Variants in KIAA0825 observed in about 807,000 individuals in gnomAD.
KIAA0825 encodes uncharacterized protein KIAA0825.
Under a neutral mutation model 147.6 loss-of-function variants are expected in KIAA0825, and 119 were observed. That is an observed-to-expected ratio of 0.81 (90% CI 0.69 to 0.94). KIAA0825 has a LOEUF of 0.94. Among genes scored for constraint, KIAA0825 ranks in the 40% least tolerant of loss-of-function variants. The probability of loss-of-function intolerance (pLI) is 0.00; values close to 1 mark genes in which losing one functional copy is unlikely to be tolerated. For synonymous variants in KIAA0825, 470 were observed against 518.1 expected, an observed-to-expected ratio of 0.91 and a Z score of 1.26; for missense variants, 1,381 against 1,472.7, an observed-to-expected ratio of 0.94 and a Z score of 1.02.
chr5:94,573,737 T>TATTC (rs1436017773), intron 2 of KIAA0825, among the ~76,000 whole-genome samples: 2 of 152,250 alleles, frequency 1.3e-5, no homozygotes, highest in Non-Finnish European at 2.9e-5. Context: ...CAGATGCAGA[T>TATTC]ATTCCCCCAC....
rs572234796 is a variant in KIAA0825 at position 94,608,249 on chromosome 5, TTTTA to T, written c.-153+10247_-153+10250del. 4.4e-3 allele frequency among the ~76,000 whole-genome samples: 627 copies of T among 143,404 alleles called. 1 individual carries two copies. The highest frequency in any genetic ancestry group is 6.1e-3 in the African/African-American group (235 of 38,720). The allele number at this position is 143,404 out of a possible 152,430, so 94.1% of individuals were successfully genotyped here. A position where few individuals can be genotyped will look rare whatever the true frequency, so the allele number is the denominator to read the frequency against. ...GATAGGAAGTAAAAATTACTTTTAT[TTTTA>T]TTTATTTATTTGTTTATTTATTTAT... On this transcript the variant is annotated intron_variant, in intron 1 of 20. Coordinates refer to ENST00000682413, the MANE Select transcript of KIAA0825 (RefSeq NM_001145678.3).
Position 94,150,873 on chromosome 5 carries a change from AATTT to A in KIAA0825, c.*3130_*3133del, listed in dbSNP as rs1439719321. Among the ~76,000 whole-genome samples, 1 of 152,160 alleles carries A rather than the reference AATTT, an allele frequency of 6.6e-6. No individual in the cohort carries two copies. The highest frequency in any genetic ancestry group is 1.5e-5 in the Non-Finnish European group (1 of 68,018). On this transcript the variant is annotated 3_prime_UTR_variant, in exon 21 of 21. Transcript: ENST00000682413. Reference sequence around the variant, plus strand: ...ATCTGAAATAGACAATATTCTTTATAATTTATTTAAAAATTATTTCATACTGTTT... The same window carrying A: ...ATCTGAAATAGACAATATTCTTTATAATTTAAAAATTATTTCATACTGTTT...
At chr5:94,438,803 AT>A (rs1756699136) in intron 14 of KIAA0825, among the ~76,000 whole-genome samples, 1 of 152,194 alleles carries the variant, frequency 6.6e-6, no homozygotes, top group Non-Finnish European at 1.5e-5. Flanking sequence ...TATGAACCTC[AT>A]TTGTATACTA....
At chr5:94,227,967 T>TA (rs149638031) in intron 20 of KIAA0825, among the ~76,000 whole-genome samples, 15 of 151,178 alleles carry the variant, frequency 9.9e-5, no homozygotes, top group African/African-American at 2.9e-4. Flanking sequence ...TGTATAATAA[T>TA]AAAAAAAAAT....
At chr5:94,426,604 A>T (rs1053796764) in intron 14 of KIAA0825, among the ~76,000 whole-genome samples, 1 of 152,238 alleles carries the variant, frequency 6.6e-6, no homozygotes, top group Non-Finnish European at 1.5e-5. Flanking sequence ...GGCTACAAAC[A>T]TACAGTTAGA....
chr5:94,383,045 A>G (rs1037604141), intron 20 of KIAA0825, among the ~76,000 whole-genome samples: 1 of 152,224 alleles, frequency 6.6e-6, no homozygotes, highest in Admixed American at 6.5e-5. Flanking sequence ...TAGATTCAAT[A>G]GAGGCCCTGG....
chr5:94,466,736 CAAAAAAAAAA>C (rs56785201), intron 10 of KIAA0825, among the ~76,000 whole-genome samples: 3 of 61,372 alleles, frequency 4.9e-5, no homozygotes, highest in Admixed American at 1.8e-4. Flanking sequence ...GACTGTGTCT[CAAAAAAAAAA>C]AAAAAAAAAA....
intron 20 of KIAA0825, among the ~76,000 whole-genome samples, chr5:94,379,841 A>ATT (rs1748124434): frequency 1.2e-4 from 6 of 50,890 alleles, no homozygotes; most frequent in African/African-American, 5.3e-4. Flanking sequence ...TAGGTATTTT[A>ATT]TTCTTTTTTT....
chr5:94,573,159 T>G (rs964408733), intron 2 of KIAA0825, among the ~76,000 whole-genome samples: 5 of 152,118 alleles, frequency 3.3e-5, no homozygotes. Flanking sequence ...TAGGTAAATT[T>G]ACACATTTTC....
intron 20 of KIAA0825, among the ~76,000 whole-genome samples, chr5:94,381,854 G>A (rs1383913112): frequency 1.3e-5 from 2 of 152,140 alleles, no homozygotes; most frequent in Admixed American, 6.5e-5. Context: ...CTAGGCATGT[G>A]GGGAGACTAA....
chr5:94,252,914 G>A (rs907868088), intron 20 of KIAA0825, among the ~76,000 whole-genome samples: 3 of 151,852 alleles, frequency 2.0e-5, no homozygotes, highest in Admixed American at 6.6e-5. Context: ...AACTACCTTC[G>A]GTACAGATTA....
intron 20 of KIAA0825, among the ~76,000 whole-genome samples, chr5:94,227,453 C>T (rs553832616): frequency 1.6e-3 from 249 of 151,688 alleles, no homozygotes; most frequent in African/African-American, 5.8e-3. Context: ...TGCTAAATGA[C>T]GAGTTAATGG....
chr5:94,572,151 C>T (rs1268147216), intron 2 of KIAA0825, among the ~76,000 whole-genome samples: 1 of 151,390 alleles, frequency 6.6e-6, no homozygotes, highest in African/African-American at 2.4e-5. Context: ...TATATTCACT[C>T]TATGGCAAGA....
At chr5:94,555,403 TG>T (rs1419397592) in intron 2 of KIAA0825, among the ~76,000 whole-genome samples, 1 of 152,158 alleles carries the variant, frequency 6.6e-6, no homozygotes, top group Non-Finnish European at 1.5e-5. Context: ...TGCTAATAAC[TG>T]TGGAAGTTCT....
chr5:94,282,948 A>G (rs926156551), intron 20 of KIAA0825, among the ~76,000 whole-genome samples: 1 of 152,124 alleles, frequency 6.6e-6, no homozygotes, highest in Non-Finnish European at 1.5e-5. Flanking sequence ...GAGGGCGTGC[A>G]AAATGAAGAA....
intron 20 of KIAA0825, among the ~76,000 whole-genome samples, chr5:94,197,851 C>A (rs1771281554): frequency 6.6e-6 from 1 of 152,150 alleles, no homozygotes; most frequent in South Asian, 2.1e-4. Context: ...TGTATCAGTA[C>A]CATGCTGTTT....
At chr5:94,606,219 A>G (rs1332398793) in intron 1 of KIAA0825, among the ~76,000 whole-genome samples, 1 of 152,208 alleles carries the variant, frequency 6.6e-6, no homozygotes, top group Non-Finnish European at 1.5e-5. Flanking sequence ...GATCTCTACA[A>G]TGAGAATTAC....
intron 20 of KIAA0825, among the ~76,000 whole-genome samples, chr5:94,257,815 T>G (rs1356633697): frequency 1.3e-5 from 2 of 152,042 alleles, no homozygotes; most frequent in Non-Finnish European, 1.5e-5. Context: ...TCTGAAGATC[T>G]TCAATATACA....
At chr5:94,228,292 C>T (rs1056173366) in intron 20 of KIAA0825, among the ~76,000 whole-genome samples, 14 of 152,190 alleles carry the variant, frequency 9.2e-5, no homozygotes, top group African/African-American at 3.4e-4. Context: ...CTTCCCCACA[C>T]CTCAACGGCA....
Sources: allele counts gnomAD v4.1 joint callset (sites outside exome capture counted in the v4.1 genomes callset), GRCh38; gene constraint gnomAD v4.1.1; transcripts MANE v1.5; gene names NCBI Gene and HGNC (gene_info 2026-07-23, HGNC 2026-07-21).